The following DNAH12 variants were observed in gnomAD, a reference collection of about 807,000 sequenced individuals.
DNAH12 encodes axonemal beta dynein heavy chain 12.
In DNAH12, 285 loss-of-function variants were observed where a neutral mutation model predicts 371.5. That is an observed-to-expected ratio of 0.77 (90% CI 0.70 to 0.85). DNAH12 has a LOEUF of 0.85. Among genes scored for constraint, DNAH12 ranks in the 40% least tolerant of loss-of-function variants. The pLI, the probability that DNAH12 is intolerant of heterozygous loss-of-function variation, is 0.00. For synonymous variants in DNAH12, 1,200 were observed against 1,213.0 expected, an observed-to-expected ratio of 0.99 and a Z score of 0.22; for missense variants, 3,611 against 3,689.4, an observed-to-expected ratio of 0.98 and a Z score of 0.55.
In DNAH12 at chr3:57,544,210, A is replaced by G. The variant is rs2069427152; in HGVS notation, c.-47T>C. 1 of 152,210 alleles carries G rather than the reference A, an allele frequency of 6.6e-6. No individual in the cohort carries two copies. The highest frequency in any genetic ancestry group is 1.5e-5 in the Non-Finnish European group (1 of 68,052). 9.4% of individuals were successfully genotyped at this position (152,210 alleles called of 1,614,324 possible). ...GAGAACAAGTACCTGATTGTTTCTC[A>G]CTACTTCCCCGCTGCGCAGACGCCA... On this transcript the variant is annotated 5_prime_UTR_variant, in exon 1 of 74. Transcript: ENST00000495027.
intron 14 of DNAH12, 53 bp downstream of exon 14, chr3:57,472,493 T>C (rs1394671865): frequency 2.6e-6 from 4 of 1,518,488 alleles, no homozygotes; most frequent in Non-Finnish European, 3.5e-6. Flanking sequence ...TAAATGTGAA[T>C]GATGTGCTTG....
chr3:57,380,655 G>A (rs1427353326), intron 50 of DNAH12, among the ~76,000 whole-genome samples: 1 of 152,042 alleles, frequency 6.6e-6, no homozygotes, highest in African/African-American at 2.4e-5. Context: ...AGTAGAGAGG[G>A]GGTTTCACCA....
rs2063362171 is a variant in DNAH12, at chr3:57,380,284, G to T, written c.8076C>A (p.Asn2692Lys). 1 of 152,140 alleles carries T rather than the reference G, an allele frequency of 6.6e-6. No homozygotes were observed. The highest frequency in any genetic ancestry group is 2.4e-5 in the African/African-American group (1 of 41,424). 9.4% of individuals were successfully genotyped at this position (152,140 alleles called of 1,614,324 possible). The change falls in exon 51 of 74, where the codon AAC becomes AAA. Residue 2692 changes from asparagine (N) to lysine (K), a missense_variant. Asn to Lys is a moderately conservative substitution (Grantham distance 94). Transcript: ENST00000495027. ...LRDLKEYDKD[N>K]IPVTVMQKIR... ...AAAACCCAATGCAACTCACTGGAAT[G>T]TTGTCCTTGTCATATTCTTTCAAAT...
At chr3:57,373,988 C>G (rs1179513159) in intron 55 of DNAH12, among the ~76,000 whole-genome samples, 1 of 152,136 alleles carries the variant, frequency 6.6e-6, no homozygotes, top group African/African-American at 2.4e-5. Flanking sequence ...AACAATAACT[C>G]AAACTTTCAG....
chr3:57,437,258 T>C (rs1051874342), intron 29 of DNAH12, among the ~76,000 whole-genome samples, 198 bp from the exon 30 acceptor site: 2 of 152,206 alleles, frequency 1.3e-5, no homozygotes, highest in East Asian at 1.9e-4. Flanking sequence ...GTCTTCCCTA[T>C]TGTAAGTTAT....
chr3:57,402,105 T>C (rs2063888540), intron 43 of DNAH12, among the ~76,000 whole-genome samples: 1 of 152,184 alleles, frequency 6.6e-6, no homozygotes, highest in Non-Finnish European at 1.5e-5. Flanking sequence ...AAAGTTTTCC[T>C]CTAAAGTGTA....
chr3:57,415,466 T>G lies in DNAH12; in HGVS notation c.5813A>C (p.Tyr1938Ser), dbSNP rs1172202881. 4.5e-6 allele frequency: 7 copies of G among 1,550,790 alleles called. No homozygotes were observed. The highest frequency in any genetic ancestry group is 2.4e-5 in the East Asian group (1 of 40,922). ...HLEKDQYFPFYINLSARTSAN... is the reference protein window; with the variant it reads ...HLEKDQYFPFSINLSARTSAN... ...GCTGGTCCGTGCAGATAAGTTAATA[T>G]AAAAAGGAAAGTACTGGTCCTTTTC... The change falls in exon 38 of 74, where the codon TAT becomes TCT. Residue 1938 changes from tyrosine (Y) to serine (S), a missense_variant. Around this residue, in one of 3 missense-constraint regions of DNAH12, gnomAD observed 2,266 missense variants for 2,236.9 expected, o/e 1.01. Transcript: ENST00000495027.
At position 57,310,851 on chromosome 3, in the gene DNAH12, G is replaced by A. The variant is rs201732420; in HGVS notation, c.10762C>T (p.Arg3588Cys). The change falls in exon 67 of 74, where the codon CGT becomes TGT. Residue 3588 changes from arginine to cysteine, a missense_variant. Around this residue, in one of 3 missense-constraint regions of DNAH12, gnomAD observed 2,266 missense variants for 2,236.9 expected, o/e 1.01. Coordinates refer to ENST00000495027, the MANE Select transcript of DNAH12 (RefSeq NM_001366028.2). ...TCAGCCAGCATGGTTAATAGAAGAC[G>A]TCTGTCCCAATCGTCTGTCACTCTT... ...GGRVTDDWDR[R>C]LLLTMLADFY... The A allele has an allele frequency of 7.9e-4, 1,226 of 1,551,368 alleles. 1 individual carries two copies. The highest frequency in any genetic ancestry group is 1.0e-3 in the Non-Finnish European group (1,176 of 1,146,886).
At chr3:57,496,667 C>T (rs375427979) in intron 11 of DNAH12, among the ~76,000 whole-genome samples, 6 of 152,200 alleles carry the variant, frequency 3.9e-5, no homozygotes, top group African/African-American at 1.4e-4. Context: ...ATAAAAATTG[C>T]TATTAAAAAT....
Position 57,310,742 on chromosome 3 carries a change from T to A in DNAH12, c.10871A>T (p.Tyr3624Phe). Residue 3624 changes from tyrosine (Y) to phenylalanine (F), a missense_variant, in exon 67 of 74, where the codon TAT becomes TTT. Tyr to Phe is a conservative substitution (Grantham distance 22). Transcript: ENST00000495027. ...CTTAATGAATTCAATGTAGTCCTCATAAGTGCCTTTAGGAGGTGCAAAATA... is the reference window on the plus strand; with the variant it reads ...CTTAATGAATTCAATGTAGTCCTCAAAAGTGCCTTTAGGAGGTGCAAAATA... ...GNYFAPPKGTYEDYIEFIKKL... is the reference protein window; with the variant it reads ...GNYFAPPKGTFEDYIEFIKKL... 6.4e-7 allele frequency: 1 copy of A among 1,551,442 alleles called. No individual in the cohort carries two copies. Among genetic ancestry groups the A allele is most frequent in the Non-Finnish European group, 8.7e-7 (1 of 1,146,748 alleles).
At chr3:57,516,491 T>G (rs2068203020) in intron 4 of DNAH12, among the ~76,000 whole-genome samples, 1 of 152,172 alleles carries the variant, frequency 6.6e-6, no homozygotes, top group Non-Finnish European at 1.5e-5. Context: ...CTCTAGATGA[T>G]CTTAATAATA....
chr3:57,514,449 T>C (rs2068113612), intron 4 of DNAH12, among the ~76,000 whole-genome samples: 1 of 151,624 alleles, frequency 6.6e-6, no homozygotes, highest in African/African-American at 2.4e-5. Context: ...CAAGAGTATC[T>C]ACAGTATGAC....
intron 11 of DNAH12, among the ~76,000 whole-genome samples, chr3:57,494,151 T>C (rs1333121400): frequency 6.6e-6 from 1 of 151,958 alleles, no homozygotes; most frequent in Non-Finnish European, 1.5e-5. Flanking sequence ...GAAGATTGCT[T>C]GAGCCAGGGA....
At chr3:57,324,383 A>G (rs1033610764) in intron 62 of DNAH12, among the ~76,000 whole-genome samples, 10 of 152,258 alleles carry the variant, frequency 6.6e-5, no homozygotes, top group Admixed American at 5.9e-4. Flanking sequence ...GAATTGTTAT[A>G]TAAATCAGCC....
chr3:57,404,593 G>A (rs1553680358), intron 42 of DNAH12, among the ~76,000 whole-genome samples: 1 of 152,096 alleles, frequency 6.6e-6, no homozygotes, highest in Non-Finnish European at 1.5e-5. Flanking sequence ...GCCGGCGCAT[G>A]CCTGTACTCC....
intron 43 of DNAH12, among the ~76,000 whole-genome samples, chr3:57,401,038 C>T (rs1019705292): frequency 7.2e-4 from 109 of 152,066 alleles, no homozygotes; most frequent in African/African-American, 2.5e-3. Context: ...TGGTACAAAA[C>T]TAGAAATCAA....
At chr3:57,381,639 C>G (rs1310386152) in intron 50 of DNAH12, among the ~76,000 whole-genome samples, 1 of 151,974 alleles carries the variant, frequency 6.6e-6, no homozygotes, top group East Asian at 1.9e-4. Flanking sequence ...AATACCTTAA[C>G]CAAGGTCACA....
At chr3:57,402,310 C>CT (rs11429401) in intron 43 of DNAH12, 221,553 of 915,204 alleles carry the variant, frequency 0.24, 13,998 homozygotes, top group East Asian at 0.35. Context: ...CAATTTCTCC[C>CT]TTTTTTTTTT....
intron 34 of DNAH12, 117 bp from the exon 35 acceptor site, chr3:57,425,258 T>C: frequency 1.7e-6 from 1 of 594,256 alleles, no homozygotes; most frequent in East Asian, 2.8e-5. Context: ...GTCTTTTTTT[T>C]TGTTTTTGAG....
Sources: gnomAD v4.1 joint callset for allele counts (sites outside exome capture counted in the v4.1 genomes callset) on GRCh38, gnomAD v4.1.1 for gene constraint, gnomAD v4.1.1 regional missense constraint, MANE v1.5 for transcripts, NCBI Gene and HGNC (gene_info 2026-07-23, HGNC 2026-07-21) for gene names.